The following ABCA1 variants were observed in gnomAD, a reference collection of about 807,000 sequenced individuals.
ABCA1 encodes ATP binding cassette subfamily A member 1.
In ABCA1, 133 loss-of-function variants were observed where a neutral mutation model predicts 262.5. The ratio of observed to expected loss-of-function variants is 0.51; its 90% CI spans 0.44 to 0.59. The LOEUF (loss-of-function observed/expected upper bound fraction) is 0.59. ABCA1 is among the 20% of genes least tolerant of loss of function. The pLI is 0.00. For missense variants in ABCA1, 2,452 were observed against 2,777.5 expected, an observed-to-expected ratio of 0.88 and a Z score of 2.63; for synonymous variants, 1,022 against 1,043.5, an observed-to-expected ratio of 0.98 and a Z score of 0.40.
At chr9:104,890,008 C>G (rs147614624) in intron 2 of ABCA1, among the ~76,000 whole-genome samples, 1 of 152,118 alleles carries the variant, frequency 6.6e-6, no homozygotes, top group African/African-American at 2.4e-5. Flanking sequence ...AGTTACCAGG[C>G]GATAAATTAG....
In ABCA1 at chr9:104,784,643, TAG is replaced by T. The variant is rs761250191; in HGVS notation, c.6646-190_6646-189del. On this transcript the variant is annotated intron_variant, in intron 49 of 49. Coordinates refer to ENST00000374736, the MANE Select transcript of ABCA1 (RefSeq NM_005502.4). ...GAAAAAAGCAATAACAACTTAAAAA[TAG>T]ACTTTTTTTCCCCCCTTGAAATGGG... 1.6e-3 allele frequency among the ~76,000 whole-genome samples: 245 copies of T among 152,214 alleles called. 2 individuals carry two copies. Among genetic ancestry groups the T allele is most frequent in the Non-Finnish European group, 2.3e-3 (159 of 67,978 alleles).
chr9:104,820,429 G>A (rs537138245), intron 20 of ABCA1, among the ~76,000 whole-genome samples: 1 of 152,256 alleles, frequency 6.6e-6, no homozygotes, highest in South Asian at 2.1e-4. Context: ...CTCACCTGGA[G>A]CAGCCTTCCT....
At chr9:104,899,757 A>T in intron 2 of ABCA1, among the ~76,000 whole-genome samples, 1 of 152,100 alleles carries the variant, frequency 6.6e-6, no homozygotes, top group Admixed American at 6.5e-5. Flanking sequence ...TATTTGAGAA[A>T]ATTAATAATA....
intron 5 of ABCA1, among the ~76,000 whole-genome samples, chr9:104,869,032 AAAG>A (rs1168531970): frequency 1.4e-4 from 15 of 108,390 alleles, no homozygotes; most frequent in Admixed American, 4.5e-4. Context: ...GGAGGCTGGG[AAAG>A]AAGGAGGAAA....
At chr9:104,837,685 A>G in intron 9 of ABCA1, 118 bp from the exon 10 acceptor site, 1 of 1,218,336 alleles carries the variant, frequency 8.2e-7, no homozygotes, top group Non-Finnish European at 1.2e-6. Context: ...ACTACTAGTC[A>G]TATAATAAGT....
At chr9:104,807,649 A>G (rs972468052) in intron 30 of ABCA1, among the ~76,000 whole-genome samples, 1 of 151,866 alleles carries the variant, frequency 6.6e-6, no homozygotes, top group Admixed American at 6.6e-5. Context: ...CTCCATCTCT[A>G]CTAAAATTAG....
chr9:104,799,169 C>A (rs1830129150), intron 36 of ABCA1, among the ~76,000 whole-genome samples: 1 of 152,016 alleles, frequency 6.6e-6, no homozygotes, highest in Non-Finnish European at 1.5e-5. Context: ...ATATTAGTAT[C>A]CTGTAGGAGT....
At chr9:104,814,574 G>T in intron 25 of ABCA1, 99 bp from the exon 26 acceptor site, 1 of 1,196,580 alleles carries the variant, frequency 8.4e-7, no homozygotes, top group South Asian at 1.2e-5. Context: ...TGTTAGCCCC[G>T]TAAGACAGAG....
chr9:104,793,818 C>T (rs1461131227), intron 40 of ABCA1, among the ~76,000 whole-genome samples: 1 of 152,080 alleles, frequency 6.6e-6, no homozygotes, highest in African/African-American at 2.4e-5. Context: ...TTGCAAAAAG[C>T]CCCTCTTCTA....
At chr9:104,910,718 T>A (rs1167131306) in intron 1 of ABCA1, among the ~76,000 whole-genome samples, 1 of 152,322 alleles carries the variant, frequency 6.6e-6, no homozygotes, top group East Asian at 1.9e-4. Flanking sequence ...CTTTATTTTA[T>A]TTTTTAGATG....
At position 104,788,587 on chromosome 9, in the gene ABCA1, T is replaced by C. The variant is rs368675416; in HGVS notation, c.5928-20A>G. The C allele has an allele frequency of 3.3e-5, 54 of 1,613,822 alleles. 1 individual carries two copies. In the South Asian group the frequency reaches 3.8e-4, roughly 11 times the overall value. The stretch of plus-strand genomic sequence containing the variant: ...AAGATACTGCAAAGGACAAGAAAAC[T>C]ACTTAGATTTTAAGCAGGTAGAGAT... On this transcript the variant is annotated intron_variant, in intron 44 of 49. Transcript: ENST00000374736.
chr9:104,792,974 C>T (rs529426071), intron 41 of ABCA1, 68 bp from the exon 42 acceptor site: 137 of 1,610,120 alleles, frequency 8.5e-5, no homozygotes, highest in South Asian at 1.5e-4. Flanking sequence ...CAGTCTCTAA[C>T]GTAGTATTAT....
chr9:104,842,924 C>A (rs533455346), intron 8 of ABCA1, among the ~76,000 whole-genome samples: 4 of 152,182 alleles, frequency 2.6e-5, no homozygotes, highest in Non-Finnish European at 5.9e-5. Context: ...CTCCTCCCCC[C>A]ACCACTTGCT....
intron 2 of ABCA1, among the ~76,000 whole-genome samples, chr9:104,898,659 C>G (rs934919056): frequency 2.0e-5 from 3 of 152,128 alleles, no homozygotes; most frequent in African/African-American, 7.2e-5. Flanking sequence ...ATGTCTACTA[C>G]CAACTCATCC....
At chr9:104,836,913 A>G (rs1833862478) in intron 11 of ABCA1, 67 bp downstream of exon 11, 3 of 1,271,654 alleles carry the variant, frequency 2.4e-6, no homozygotes, top group Non-Finnish European at 3.5e-6. Flanking sequence ...CACACCTGGG[A>G]AAGTGACCAG....
At chr9:104,874,822 G>T (rs555924816) in intron 5 of ABCA1, among the ~76,000 whole-genome samples, 1 of 138,318 alleles carries the variant, frequency 7.2e-6, no homozygotes, top group Non-Finnish European at 1.5e-5. Flanking sequence ...CGGGAGGGAG[G>T]TGGGGGCCAG....
chr9:104,816,246 G>C lies in ABCA1; in HGVS notation c.3635C>G (p.Ala1212Gly). Residue 1212 changes from alanine to glycine, a missense_variant, in exon 25 of 50, where the codon GCT becomes GGT. Physicochemically the swap from Ala to Gly is moderately conservative, Grantham distance 60 (BLOSUM62 0). Around this residue, in one of 4 missense-constraint regions of ABCA1, gnomAD observed 665 missense variants for 727.3 expected, o/e 0.91. Transcript: ENST00000374736. ...TTCCACAAAGGCTCCCTCCTTAGCA[G>C]CTTCATATGGCAGCACATAGGTCAG... ...HELTYVLPYEAAKEGAFVELF... is the reference protein window; with the variant it reads ...HELTYVLPYEGAKEGAFVELF... 3 of 1,614,160 alleles carry C rather than the reference G, an allele frequency of 1.9e-6. No homozygotes were observed. The highest frequency in any genetic ancestry group is 2.5e-6 in the Non-Finnish European group (3 of 1,180,030).
chr9:104,873,141 G>C (rs1837777525), intron 5 of ABCA1, among the ~76,000 whole-genome samples: 1 of 152,152 alleles, frequency 6.6e-6, no homozygotes, highest in South Asian at 2.1e-4. Flanking sequence ...AAATTCTAAG[G>C]CCTCAAATCA....
Position 104,786,281 on chromosome 9 carries a change from G to T in ABCA1, c.6401+17C>A, listed in dbSNP as rs768448067. The T allele has an allele frequency of 3.7e-6, 6 of 1,601,270 alleles. No individual in the cohort carries two copies. The highest frequency in any genetic ancestry group is 1.3e-5 in the African/African-American group (1 of 74,626). On this transcript the variant is annotated intron_variant, in intron 48 of 49. Transcript: ENST00000374736. ...CCTTCTCACTAGGCACTATCCCAAA[G>T]AAATTATCTTTATTACCTATTTTTT...
Sources: allele counts gnomAD v4.1 joint callset (sites outside exome capture counted in the v4.1 genomes callset), GRCh38; gene constraint gnomAD v4.1.1; regional missense constraint gnomAD v4.1.1; transcripts MANE v1.5; gene names NCBI Gene and HGNC (gene_info 2026-07-23, HGNC 2026-07-21).